KIF2A: variants seen among roughly 807,000 people sequenced by gnomAD.
KIF2A encodes the protein kinesin family member 2A, also known as kinesin-like protein KIF2A.
KIF2A carries 22 observed loss-of-function variants against 100.2 expected under a neutral mutation model. The ratio of observed to expected loss-of-function variants is 0.22; its 90% CI spans 0.16 to 0.31. The LOEUF is 0.31. Ranked by LOEUF, KIF2A falls within the 10% of genes least tolerant of loss-of-function variation. The probability of loss-of-function intolerance (pLI) is 1.00; values close to 1 mark genes in which losing one functional copy is unlikely to be tolerated. For synonymous variants in KIF2A, 268 were observed against 285.9 expected, an observed-to-expected ratio of 0.94 and a Z score of 0.63; for missense variants, 495 against 898.7, an observed-to-expected ratio of 0.55 and a Z score of 5.74.
At chr5:62,349,845 C>T (rs761571142) in intron 3 of KIF2A, among the ~76,000 whole-genome samples, 1 of 152,110 alleles carries the variant, frequency 6.6e-6, no homozygotes, top group Non-Finnish European at 1.5e-5. Context: ...GTGCCTGGCT[C>T]ATATTAATTC....
rs1409964538 is a variant in KIF2A at position 62,390,591 on chromosome 5, A to G, written c.*5022A>G. On this transcript the variant is annotated 3_prime_UTR_variant, in exon 21 of 21. Coordinates refer to ENST00000407818, the MANE Select transcript of KIF2A (RefSeq NM_001098511.3). The stretch of plus-strand genomic sequence containing the variant: ...GAATGAGAGTTGGGGAAGGAGCAGG[A>G]AGGGAGGAACCTGCACACCACATTG... Among the ~76,000 whole-genome samples the G allele has an allele frequency of 2.6e-5, 4 of 152,296 alleles. No individual in the cohort carries two copies. The highest frequency in any genetic ancestry group is 1.9e-4 in the East Asian group (1 of 5,188).
chr5:62,344,502 T>C (rs1286868628), intron 1 of KIF2A, among the ~76,000 whole-genome samples: 2 of 152,168 alleles, frequency 1.3e-5, no homozygotes, highest in Non-Finnish European at 2.9e-5. Flanking sequence ...AGTGTTAGGA[T>C]TGATAATGCT....
intron 1 of KIF2A, among the ~76,000 whole-genome samples, chr5:62,337,898 A>G (rs1399743811): frequency 6.6e-6 from 1 of 152,112 alleles, no homozygotes; most frequent in Non-Finnish European, 1.5e-5. Flanking sequence ...CCAGAACAAA[A>G]CAGACAATGC....
chr5:62,357,540 T>C, intron 7 of KIF2A, 151 bp from the exon 8 acceptor site: 1 of 467,024 alleles, frequency 2.1e-6, no homozygotes, highest in Non-Finnish European at 3.8e-6. Flanking sequence ...ACCATTAAAA[T>C]TTGTGCAAAG....
chr5:62,319,782 G>C lies in KIF2A; in HGVS notation c.64+13246G>C, dbSNP rs1369010559. ...AAGAATATGACATGACAAGGTGTGT[G>C]TCACTGTTTTTAATGTATACTTGTA... On this transcript the variant is annotated intron_variant, in intron 1 of 20. Transcript: ENST00000407818. Among the ~76,000 whole-genome samples, 7 of 152,300 alleles carry C rather than the reference G, an allele frequency of 4.6e-5. No individual in the cohort carries two copies. In the South Asian group the frequency reaches 1.5e-3, roughly 32 times the overall value.
chr5:62,336,617 A>C (rs1376827423), intron 1 of KIF2A, among the ~76,000 whole-genome samples: 1 of 152,224 alleles, frequency 6.6e-6, no homozygotes, highest in African/African-American at 2.4e-5. Context: ...TACATGTAAA[A>C]ACTTGTAAGA....
chr5:62,306,414 G>T lies in KIF2A; in HGVS notation c.-59G>T. Reference sequence around the variant, plus strand: ...CCCACACCTACCCCGCCCCCTCCCCGCCTTTTCCGCCCTCCGGTCCCCCTC... The same window carrying T: ...CCCACACCTACCCCGCCCCCTCCCCTCCTTTTCCGCCCTCCGGTCCCCCTC... On this transcript the variant is annotated 5_prime_UTR_variant, in exon 1 of 21. Coordinates refer to ENST00000407818, the MANE Select transcript of KIF2A (RefSeq NM_001098511.3). 5.3e-6 allele frequency: 1 copy of T among 188,580 alleles called. No homozygotes were observed. The highest frequency in any genetic ancestry group is 1.0e-5 in the Non-Finnish European group (1 of 95,682). The allele number at this position is 188,580 out of a possible 1,614,324, so 11.7% of individuals were successfully genotyped here.
intron 1 of KIF2A, among the ~76,000 whole-genome samples, chr5:62,310,783 T>C (rs7711530): frequency 0.32 from 48,482 of 152,078 alleles, 7,957 homozygotes; most frequent in East Asian, 0.37. Context: ...CTTCCTATTT[T>C]TCTGATTCAA....
chr5:62,328,637 A>G (rs1468113872), intron 1 of KIF2A, among the ~76,000 whole-genome samples: 3 of 151,996 alleles, frequency 2.0e-5, no homozygotes, highest in African/African-American at 7.2e-5. Flanking sequence ...GATTACAGGC[A>G]TGTGCCACCA....
At chr5:62,359,613 T>C (rs1748288071) in intron 9 of KIF2A, among the ~76,000 whole-genome samples, 1 of 152,188 alleles carries the variant, frequency 6.6e-6, no homozygotes, top group Non-Finnish European at 1.5e-5. Context: ...TTTCTACTCC[T>C]GCCTCATAAA....
At chr5:62,367,108 ACT>A (rs1347767646) in intron 16 of KIF2A, among the ~76,000 whole-genome samples, 3 of 151,974 alleles carry the variant, frequency 2.0e-5, no homozygotes, top group Non-Finnish European at 2.9e-5. Flanking sequence ...TTACATTAAG[ACT>A]CTGAAGTAAA....
At chr5:62,378,366 A>G (rs1741632423) in intron 19 of KIF2A, among the ~76,000 whole-genome samples, 2 of 152,184 alleles carry the variant, frequency 1.3e-5, no homozygotes, top group Admixed American at 1.3e-4. Context: ...GAGGGAGTGA[A>G]GATATCATTT....
chr5:62,334,310 G>A (rs752442932), intron 1 of KIF2A, among the ~76,000 whole-genome samples: 12 of 151,944 alleles, frequency 7.9e-5, no homozygotes, highest in Non-Finnish European at 1.5e-4. Context: ...CCAGGACTTT[G>A]TTCACCTCTC....
chr5:62,354,861 A>G (rs1039525752), intron 6 of KIF2A, among the ~76,000 whole-genome samples: 2 of 152,166 alleles, frequency 1.3e-5, no homozygotes, highest in African/African-American at 2.4e-5. Context: ...AGGTATATGT[A>G]TAACAGATGG....
intron 1 of KIF2A, among the ~76,000 whole-genome samples, chr5:62,315,249 CAAAAAAAA>C (rs765995590): frequency 1.5e-5 from 1 of 66,542 alleles, no homozygotes; most frequent in Non-Finnish European, 2.9e-5. Flanking sequence ...AAAAACAGAC[CAAAAAAAA>C]AAAAAAAAAA....
chr5:62,309,703 C>T (rs1001350106), intron 1 of KIF2A, among the ~76,000 whole-genome samples: 2 of 152,174 alleles, frequency 1.3e-5, no homozygotes, highest in Non-Finnish European at 2.9e-5. Context: ...TTTCTTTTGG[C>T]TTGCTGATGG....
At chr5:62,355,134 G>A (rs114079833) in intron 6 of KIF2A, 25 bp from the exon 7 acceptor site, 1 of 986,974 alleles carries the variant, frequency 1.0e-6, no homozygotes, top group Non-Finnish European at 1.6e-6. Context: ...ATTTATAATG[G>A]TGAATTCTCT....
intron 20 of KIF2A, among the ~76,000 whole-genome samples, chr5:62,381,788 C>T (rs1308118749): frequency 6.6e-6 from 1 of 152,206 alleles, no homozygotes. Context: ...GTCTCAAACT[C>T]CTGGGCTCAA....
rs559889054 is a variant in KIF2A at position 62,364,217 on chromosome 5, G to A, written c.1467+318G>A. Among the ~76,000 whole-genome samples, 7 of 150,594 alleles carry A rather than the reference G, an allele frequency of 4.6e-5. No homozygotes were observed. In the East Asian group the frequency reaches 7.8e-4, roughly 17 times the overall value. Reference sequence around the variant, plus strand: ...GGCTGGAGTGCAGTGACACAATCTCGGCTCACCGCAACCTCCACCTCCTGG... The same window carrying A: ...GGCTGGAGTGCAGTGACACAATCTCAGCTCACCGCAACCTCCACCTCCTGG... On this transcript the variant is annotated intron_variant, in intron 14 of 20. Transcript: ENST00000407818.
Sources: allele counts gnomAD v4.1 joint callset (sites outside exome capture counted in the v4.1 genomes callset), GRCh38; gene constraint gnomAD v4.1.1; transcripts MANE v1.5; gene names NCBI Gene and HGNC (gene_info 2026-07-23, HGNC 2026-07-21).